The following BICD1 variants were observed in gnomAD, a reference collection of about 807,000 sequenced individuals.
BICD1 encodes the protein BICD cargo adaptor 1.
In BICD1, 35 loss-of-function variants were observed where a neutral mutation model predicts 92.5. That is an observed-to-expected ratio of 0.38 (90% CI 0.29 to 0.50). The LOEUF (loss-of-function observed/expected upper bound fraction) is 0.50, where lower values mean the gene tolerates loss of function less well. BICD1 is among the 20% of genes least tolerant of loss of function. The pLI, the probability that BICD1 is intolerant of heterozygous loss-of-function variation, is 0.93. For synonymous variants in BICD1, 429 were observed against 465.1 expected, an observed-to-expected ratio of 0.92 and a Z score of 1.00; for missense variants, 950 against 1,189.8, an observed-to-expected ratio of 0.80 and a Z score of 2.97.
intron 5 of BICD1, chr12:32,333,192 T>C: frequency 2.0e-6 from 2 of 984,638 alleles, no homozygotes; most frequent in Middle Eastern, 5.2e-4. Context: ...TAAATGAATA[T>C]GTGTCTAAGC....
chr12:32,224,922 G>C (rs1219892612), intron 2 of BICD1, among the ~76,000 whole-genome samples: 1 of 152,076 alleles, frequency 6.6e-6, no homozygotes, highest in Non-Finnish European at 1.5e-5. Context: ...GGCTGATCTC[G>C]AACTCCTGAC....
chr12:32,214,951 G>A (rs747010679), intron 1 of BICD1, among the ~76,000 whole-genome samples: 1 of 152,084 alleles, frequency 6.6e-6, no homozygotes, highest in African/African-American at 2.4e-5. Flanking sequence ...AAAAGGGGCC[G>A]GTCGTGGTGG....
At chr12:32,194,652 G>A (rs557529602) in intron 1 of BICD1, among the ~76,000 whole-genome samples, 2 of 151,906 alleles carry the variant, frequency 1.3e-5, no homozygotes, top group South Asian at 2.1e-4. Flanking sequence ...GAGGCCGAGG[G>A]GGGTGGATCA....
chr12:32,180,270 G>A (rs1592428347), intron 1 of BICD1, among the ~76,000 whole-genome samples: 2 of 151,760 alleles, frequency 1.3e-5, no homozygotes, highest in African/African-American at 2.4e-5. Flanking sequence ...TCACCTCCCC[G>A]CTACATATTT....
At position 32,337,992 on chromosome 12, in the gene BICD1, T is replaced by C. The variant is rs563394459; in HGVS notation, c.2570+176T>C. 2.6e-5 allele frequency: 17 copies of C among 650,718 alleles called. No homozygotes were observed. The East Asian group carries it at 3.6e-4, about 14-fold the overall frequency. 40.3% of individuals were successfully genotyped at this position (650,718 alleles called of 1,614,324 possible). ...TTCCAGATCAAAACCTTTTTGATAA[T>C]TGTGTTTATGTAGTCCTTTCTAACC... is the stretch of plus-strand genomic sequence containing the variant. On this transcript the variant is annotated intron_variant, in intron 7 of 9. Coordinates refer to ENST00000652176, the MANE Select transcript of BICD1 (RefSeq NM_001714.4). This position sits in a 1 kb window ranked among gnomAD's most constrained non-coding sequence, Gnocchi z 4.7.
intron 1 of BICD1, among the ~76,000 whole-genome samples, chr12:32,188,663 C>T (rs1944484146): frequency 6.6e-6 from 1 of 152,128 alleles, no homozygotes; most frequent in Admixed American, 6.5e-5. Context: ...TCTTTGTTCA[C>T]TGGGCTCTGA....
intron 1 of BICD1, among the ~76,000 whole-genome samples, chr12:32,151,968 G>GT (rs1307513146): frequency 6.6e-6 from 1 of 151,816 alleles, no homozygotes; most frequent in Non-Finnish European, 1.5e-5. Flanking sequence ...TTTTGTTTTT[G>GT]TTTTTTGAGA....
chr12:32,350,496 G>T (rs1202758512), intron 8 of BICD1, among the ~76,000 whole-genome samples: 2 of 152,060 alleles, frequency 1.3e-5, no homozygotes, highest in Non-Finnish European at 2.9e-5. Context: ...AGAAAGAAAT[G>T]ATGTAGTGAA....
At chr12:32,357,139 G>A (rs1253295078) in intron 8 of BICD1, among the ~76,000 whole-genome samples, 2 of 151,634 alleles carry the variant, frequency 1.3e-5, no homozygotes, top group Non-Finnish European at 1.5e-5. Flanking sequence ...AGCCTCCTGA[G>A]TAGCTGGGAT....
chr12:32,229,275 T>G (rs2121576278), intron 2 of BICD1, among the ~76,000 whole-genome samples: 1 of 151,648 alleles, frequency 6.6e-6, no homozygotes, highest in South Asian at 2.1e-4. Context: ...AACAAAAAAT[T>G]TTTGGATCCA....
chr12:32,168,795 C>T (rs1194272338), intron 1 of BICD1, among the ~76,000 whole-genome samples: 1 of 152,058 alleles, frequency 6.6e-6, no homozygotes, highest in Non-Finnish European at 1.5e-5. Flanking sequence ...CATGGTGAAA[C>T]CCTGATAATA....
chr12:32,179,898 G>C (rs576820187), intron 1 of BICD1, among the ~76,000 whole-genome samples: 21 of 150,180 alleles, frequency 1.4e-4, no homozygotes, highest in African/African-American at 5.1e-4. Flanking sequence ...GCTGAGGCAG[G>C]AGAATTTCTT....
At chr12:32,307,035 A>G (rs951691265) in intron 4 of BICD1, among the ~76,000 whole-genome samples, 1 of 152,132 alleles carries the variant, frequency 6.6e-6, no homozygotes, top group Non-Finnish European at 1.5e-5. Context: ...AGAAAAAGAA[A>G]AAAGAAAAGA....
At chr12:32,188,384 A>G (rs1273143265) in intron 1 of BICD1, among the ~76,000 whole-genome samples, 1 of 152,236 alleles carries the variant, frequency 6.6e-6, no homozygotes, top group Non-Finnish European at 1.5e-5. Context: ...CATCATAGAC[A>G]TTGAGTTAAT....
At chr12:32,259,924 C>CT (rs56372956) in intron 2 of BICD1, among the ~76,000 whole-genome samples, 3,238 of 140,866 alleles carry the variant, frequency 0.023, 71 homozygotes, top group African/African-American at 0.042. Context: ...ACACTACACA[C>CT]TTTTTTTTTT....
At chr12:32,264,792 A>G (rs1565628552) in intron 2 of BICD1, among the ~76,000 whole-genome samples, 2 of 152,150 alleles carry the variant, frequency 1.3e-5, no homozygotes, top group Non-Finnish European at 2.9e-5. Flanking sequence ...CCCAGCCTAA[A>G]TAGAATTTTT....
chr12:32,306,435 G>C (rs150951504), intron 4 of BICD1, among the ~76,000 whole-genome samples: 7,588 of 151,698 alleles, frequency 0.05, 252 homozygotes, highest in South Asian at 0.11. Context: ...TAGTAGAGAC[G>C]GGGTTTCACC....
intron 1 of BICD1, among the ~76,000 whole-genome samples, chr12:32,153,438 G>C (rs1037650891): frequency 2.0e-5 from 3 of 152,246 alleles, no homozygotes; most frequent in Non-Finnish European, 2.9e-5. Context: ...ATATATACCT[G>C]AAACTATTCT....
At chr12:32,121,325 G>T (rs1942142333) in intron 1 of BICD1, among the ~76,000 whole-genome samples, 1 of 151,758 alleles carries the variant, frequency 6.6e-6, no homozygotes, top group Admixed American at 6.6e-5. Flanking sequence ...ACTAATGGTG[G>T]CTCATGCCTG....
Sources: gnomAD v4.1 joint callset for allele counts (sites outside exome capture counted in the v4.1 genomes callset) on GRCh38, gnomAD v4.1.1 for gene constraint, Gnocchi (gnomAD v3.1) non-coding constraint, MANE v1.5 for transcripts, NCBI Gene and HGNC (gene_info 2026-07-23, HGNC 2026-07-21) for gene names.